ZNF746: variants seen among roughly 807,000 people sequenced by gnomAD.
ZNF746 encodes zinc finger protein 746.
In ZNF746, 13 loss-of-function variants were observed where a neutral mutation model predicts 41.0. The observed-to-expected ratio is 0.32, with a 90% confidence interval of 0.21 to 0.50. The LOEUF (loss-of-function observed/expected upper bound fraction) is 0.50. Among genes scored for constraint, ZNF746 ranks in the 20% least tolerant of loss-of-function variants. ZNF746 has a pLI of 0.98. For missense variants in ZNF746, 811 were observed against 922.9 expected, an observed-to-expected ratio of 0.88 and a Z score of 1.57; for synonymous variants, 424 against 396.2, an observed-to-expected ratio of 1.07 and a Z score of -0.83.
At chr7:149,490,290 G>A (rs1415733138) in intron 4 of ZNF746, 3 of 152,274 alleles carry the variant, frequency 2.0e-5, no homozygotes, top group Admixed American at 6.5e-5. Flanking sequence ...GCTGGCCCCT[G>A]GGCTAAGGAG....
intron 4 of ZNF746, among the ~76,000 whole-genome samples, chr7:149,484,009 A>G (rs1228998273): frequency 6.6e-6 from 1 of 152,224 alleles, no homozygotes; most frequent in African/African-American, 2.4e-5. Flanking sequence ...TGCCAAAACT[A>G]AAGAAGAAAT....
At chr7:149,487,051 C>T (rs1194869853) in intron 4 of ZNF746, among the ~76,000 whole-genome samples, 5 of 152,190 alleles carry the variant, frequency 3.3e-5, no homozygotes, top group African/African-American at 4.8e-5. Flanking sequence ...ACTGACTGAG[C>T]TACGCCTCCT....
At chr7:149,492,259 GACAA>G (rs1800830328) in intron 4 of ZNF746, among the ~76,000 whole-genome samples, 1 of 152,158 alleles carries the variant, frequency 6.6e-6, no homozygotes. Flanking sequence ...ATCTGAAGAA[GACAA>G]TGAGGAGGAT....
chr7:149,492,826 C>G lies in ZNF746; in HGVS notation c.565+33G>C, dbSNP rs748565739. On this transcript the variant is annotated intron_variant, in intron 4 of 6. Transcript: ENST00000458143. The stretch of plus-strand genomic sequence containing the variant: ...TCCGTCTCTGTTTCCTGCACAATAC[C>G]TGATGCCTCCCTGGCCTTCTCCCAG... 2.7e-6 allele frequency: 4 copies of G among 1,482,808 alleles called. No individual in the cohort carries two copies. The African/African-American group carries it at 4.1e-5, about 15-fold the overall frequency. 91.9% of individuals were successfully genotyped at this position (1,482,808 alleles called of 1,614,324 possible).
intron 4 of ZNF746, among the ~76,000 whole-genome samples, chr7:149,478,651 A>C (rs1310806121): frequency 1.3e-5 from 2 of 152,208 alleles, no homozygotes; most frequent in African/African-American, 4.8e-5. Flanking sequence ...TAAAACTTAC[A>C]AAACAGAAGA....
intron 3 of ZNF746, 43 bp downstream of exon 3, chr7:149,493,946 T>C (rs1800896225): frequency 6.2e-7 from 1 of 1,614,018 alleles, no homozygotes; most frequent in African/African-American, 1.3e-5. Flanking sequence ...TTCTGAGGAC[T>C]TGCAAAATCC....
intron 4 of ZNF746, among the ~76,000 whole-genome samples, chr7:149,485,250 G>A (rs910421666): frequency 1.3e-5 from 2 of 151,614 alleles, no homozygotes; most frequent in Non-Finnish European, 2.9e-5. Context: ...ACCAAATGGA[G>A]TGACTTAGGA....
rs1801041896 is a variant in ZNF746 at position 149,497,349 on chromosome 7, C to T, written c.24+164G>A. The stretch of plus-strand genomic sequence containing the variant: ...GGAGTGGGGGCCCGGCCGACGGGCG[C>T]AGTAGGCCCCGGCGGACCCCGCGCC... On this transcript the variant is annotated intron_variant, in intron 1 of 6. Transcript: ENST00000458143. This position sits in a 1 kb window ranked among gnomAD's most constrained non-coding sequence, Gnocchi z 4.2. 1 of 975,532 alleles carries T rather than the reference C, an allele frequency of 1.0e-6. No homozygotes were observed. The highest frequency in any genetic ancestry group is 1.8e-5 in the African/African-American group (1 of 56,984). 60.4% of individuals were successfully genotyped at this position (975,532 alleles called of 1,614,324 possible).
intron 3 of ZNF746, among the ~76,000 whole-genome samples, chr7:149,493,770 C>T (rs568358688): frequency 8.5e-5 from 13 of 152,302 alleles, no homozygotes; most frequent in Admixed American, 3.3e-4. Flanking sequence ...GAGAAGCCAC[C>T]GCCGTTCCCA....
At chr7:149,479,826 G>C (rs1385612190) in intron 4 of ZNF746, among the ~76,000 whole-genome samples, 1 of 152,190 alleles carries the variant, frequency 6.6e-6, no homozygotes, top group Non-Finnish European at 1.5e-5. Context: ...CTTGAGCCCA[G>C]GAGTTTGAGG....
At chr7:149,476,015 G>A (rs1260462882) in intron 6 of ZNF746, among the ~76,000 whole-genome samples, 6 of 152,188 alleles carry the variant, frequency 3.9e-5, no homozygotes, top group Admixed American at 3.9e-4. Context: ...AAAAATATTA[G>A]TGAATAAGAA....
At chr7:149,488,748 C>G (rs1024484926) in intron 4 of ZNF746, 1 of 152,154 alleles carries the variant, frequency 6.6e-6, no homozygotes, top group African/African-American at 2.4e-5. Flanking sequence ...CACTGGGTAC[C>G]CCTGGGGAGG....
intron 4 of ZNF746, among the ~76,000 whole-genome samples, chr7:149,483,618 A>C (rs1014690032): frequency 3.6e-4 from 55 of 152,144 alleles, no homozygotes; most frequent in Non-Finnish European, 2.2e-4. Flanking sequence ...AAAATAAAAA[A>C]AAAAACAAAA....
In ZNF746 at chr7:149,494,999, C is replaced by A. The variant is rs1313232034; in HGVS notation, c.25-496G>T. On this transcript the variant is annotated intron_variant, in intron 1 of 6. Coordinates refer to ENST00000458143, the MANE Select transcript of ZNF746 (RefSeq NM_001394198.1). The surrounding 1 kb of genome is among the most constrained non-coding windows in gnomAD (Gnocchi z 5.6). ...ACTGATGATGACCCAGCAAAAAAAA[C>A]AGCTGGTTCACTGAAACGGCACAAA... is the stretch of plus-strand genomic sequence containing the variant. Among the ~76,000 whole-genome samples, 1 of 152,046 alleles carries A rather than the reference C, an allele frequency of 6.6e-6. No individual in the cohort carries two copies. The highest frequency in any genetic ancestry group is 1.5e-5 in the Non-Finnish European group (1 of 68,028).
At position 149,474,516 on chromosome 7, in the gene ZNF746, G is replaced by C. The variant is rs938261105; in HGVS notation, c.1851C>G (p.Leu617=). The change falls in exon 7 of 7, where the codon CTC becomes CTG. Residue 617 remains leucine, a synonymous_variant. Transcript: ENST00000458143. This position sits in a 1 kb window ranked among gnomAD's most constrained non-coding sequence, Gnocchi z 6.3. ...GATCAGGAGGTGCGGGCGGCGTCGG[G>C]AGTGGCTGGCCTCGGGCCGGGGTCT... The part of the protein sequence containing the change: ...GAKTPARGQP[L]PTPPAPPDPF... 8 of 1,608,616 alleles carry C rather than the reference G, an allele frequency of 5.0e-6. No individual in the cohort carries two copies. The highest frequency in any genetic ancestry group is 5.9e-6 in the Non-Finnish European group (7 of 1,177,744).
intron 4 of ZNF746, among the ~76,000 whole-genome samples, chr7:149,484,898 G>C (rs946046691): frequency 1.3e-5 from 2 of 151,978 alleles, no homozygotes; most frequent in African/African-American, 2.4e-5. Context: ...AAGCCTATCA[G>C]TTACAATTTT....
Position 149,494,138 on chromosome 7 carries a change from C to T in ZNF746, c.325-23G>A. 2.0e-5 allele frequency: 33 copies of T among 1,614,176 alleles called. No homozygotes were observed. The highest frequency in any genetic ancestry group is 3.3e-5 in the South Asian group (3 of 91,084). The stretch of plus-strand genomic sequence containing the variant: ...CACCTGGAACCACAAGTGTCACACT[C>T]GCTCACCCACACGCTCACGGGTTTG... On this transcript the variant is annotated intron_variant, in intron 2 of 6. Transcript: ENST00000458143. This position sits in a 1 kb window ranked among gnomAD's most constrained non-coding sequence, Gnocchi z 5.6.
At position 149,497,642 on chromosome 7, in the gene ZNF746, C is replaced by T; in HGVS notation, c.-106G>A. 5 of 873,998 alleles carry T rather than the reference C, an allele frequency of 5.7e-6. No individual in the cohort carries two copies. The highest frequency in any genetic ancestry group is 5.0e-5 in the South Asian group (1 of 19,824). 54.1% of individuals were successfully genotyped at this position (873,998 alleles called of 1,614,324 possible). The stretch of plus-strand genomic sequence containing the variant: ...GGTGCTCTCCGCAGGCGGCGCCTGC[C>T]TGGCCTTTCCTCTGCCGCCGCTCCT... On this transcript the variant is annotated 5_prime_UTR_variant, in exon 1 of 7. Transcript: ENST00000458143. This position sits in a 1 kb window ranked among gnomAD's most constrained non-coding sequence, Gnocchi z 4.2.
In ZNF746 at chr7:149,497,514, G is replaced by T; in HGVS notation, c.23C>A (p.Pro8Gln). 9.1e-7 allele frequency: 1 copy of T among 1,103,518 alleles called. No individual in the cohort carries two copies. Among genetic ancestry groups the T allele is most frequent in the Non-Finnish European group, 1.1e-6 (1 of 908,480 alleles). 68.4% of individuals were successfully genotyped at this position (1,103,518 alleles called of 1,614,324 possible). A position where few individuals can be genotyped will look rare whatever the true frequency, so the allele number is the denominator to read the frequency against. Residue 8 changes from proline to glutamine, a missense_variant and splice_region_variant, in exon 1 of 7, where the codon CCG (proline) becomes CAG (glutamine). This residue lies in a region of ZNF746 where 147 missense variants were observed against 233.4 expected (regional missense o/e 0.63). Transcript: ENST00000458143. The surrounding 1 kb of genome is among the most constrained non-coding windows in gnomAD (Gnocchi z 4.2). Reference protein sequence around the residue: MAEAVAAPISPWTMAATI... With the variant: MAEAVAAQISPWTMAATI... The stretch of plus-strand genomic sequence containing the variant: ...CCTGCGCGCGCGGGTCGCCCTTACC[G>T]GAGCCGCGACCGCCTCGGCCATGGC...
Sources: gnomAD v4.1 joint callset for allele counts (sites outside exome capture counted in the v4.1 genomes callset) on GRCh38, gnomAD v4.1.1 for gene constraint, gnomAD v4.1.1 regional missense constraint, Gnocchi (gnomAD v3.1) non-coding constraint, MANE v1.5 for transcripts, NCBI Gene and HGNC (gene_info 2026-07-23, HGNC 2026-07-21) for gene names.